The following PRRC2C variants were observed in gnomAD, a reference collection of about 807,000 sequenced individuals.
PRRC2C encodes proline rich coiled-coil 2C, also known as protein PRRC2C.
A neutral mutation model predicts 317.2 loss-of-function variants in PRRC2C; 72 were observed. The observed-to-expected ratio is 0.23, with a 90% CI of 0.19 to 0.28. The LOEUF (loss-of-function observed/expected upper bound fraction) is 0.28, where lower values mean the gene tolerates loss of function less well. PRRC2C is among the 10% of genes least tolerant of loss of function. PRRC2C has a pLI of 1.00. For synonymous variants in PRRC2C, 1,296 were observed against 1,205.9 expected, an observed-to-expected ratio of 1.07 and a Z score of -1.55; for missense variants, 3,074 against 3,459.7, an observed-to-expected ratio of 0.89 and a Z score of 2.80.
chr1:171,515,942 A>C, intron 5 of PRRC2C, 83 bp downstream of exon 5: 1 of 1,413,584 alleles, frequency 7.1e-7, no homozygotes, highest in African/African-American at 1.4e-5. Flanking sequence ...GCTGTTGCAT[A>C]TATTATTTGC....
intron 21 of PRRC2C, 49 bp downstream of exon 21, chr1:171,566,470 TGAA>T (rs1397678008): frequency 6.6e-7 from 1 of 1,505,416 alleles, no homozygotes; most frequent in Non-Finnish European, 8.9e-7. Flanking sequence ...GCCACTGACA[TGAA>T]GAGCAAATAA....
At chr1:171,584,639 A>G (rs235495) in intron 30 of PRRC2C, 113 bp downstream of exon 30, 213,346 of 1,281,830 alleles carry the variant, frequency 0.17, 18,560 homozygotes, top group Middle Eastern at 0.28. Flanking sequence ...GATGGTTTTT[A>G]AACTGTTCAC....
chr1:171,529,239 T>C (rs543475980), intron 11 of PRRC2C, among the ~76,000 whole-genome samples: 2 of 152,306 alleles, frequency 1.3e-5, no homozygotes, highest in South Asian at 4.1e-4. Flanking sequence ...TGTATCCTTT[T>C]CCTTGGGTAT....
chr1:171,560,937 A>T (rs751144888), intron 19 of PRRC2C, 81 bp from the exon 20 acceptor site: 3 of 1,063,040 alleles, frequency 2.8e-6, no homozygotes, highest in African/African-American at 1.6e-5. Flanking sequence ...ACACAGTAGG[A>T]GATTAAGGAA....
chr1:171,584,481 G>A lies in PRRC2C; in HGVS notation c.7704G>A (p.Gln2568=). 6.3e-7 allele frequency: 1 copy of A among 1,595,862 alleles called. No individual in the cohort carries two copies. The highest frequency in any genetic ancestry group is 1.1e-5 in the South Asian group (1 of 87,846). ...LYSGQVQQPG[Q]TNFYNTAQSP... ...CTGGACAAGTACAACAGCCTGGTCA[G>A]ACAAATTTTTATAACACTGCCCAGT... Residue 2568 remains glutamine, a synonymous_variant, in exon 30 of 35, where the codon CAG becomes CAA. Transcript: ENST00000647382.
intron 16 of PRRC2C, among the ~76,000 whole-genome samples, chr1:171,543,945 C>T (rs536663629): frequency 6.6e-6 from 1 of 152,182 alleles, no homozygotes; most frequent in East Asian, 1.9e-4. Context: ...ATAACAGACC[C>T]GTTCATGGTA....
Position 171,515,817 on chromosome 1 carries a change from A to G in PRRC2C, c.484A>G (p.Asn162Asp). 1 of 1,612,660 alleles carries G rather than the reference A, an allele frequency of 6.2e-7. No individual in the cohort carries two copies. Among genetic ancestry groups the G allele is most frequent in the African/African-American group, 1.3e-5 (1 of 75,006 alleles). The change falls in exon 5 of 35, where the codon AAT (asparagine) becomes GAT (aspartate). Residue 162 changes from asparagine (N) to aspartate (D), a missense_variant. This residue lies in a region of PRRC2C where 237 missense variants were observed against 199.5 expected (regional missense o/e 1.19). Transcript: ENST00000647382. ...GDQEKKEKET[N>D]DDNYGPGPSL... Reference sequence around the variant, plus strand: ...TCAGGAAAAAAAAGAAAAGGAAACAAATGATGACAACTATGGACCTGGACC... The same window carrying G: ...TCAGGAAAAAAAAGAAAAGGAAACAGATGATGACAACTATGGACCTGGACC...
intron 1 of PRRC2C, among the ~76,000 whole-genome samples, chr1:171,508,381 G>C (rs1356983125): frequency 6.6e-6 from 1 of 152,154 alleles, no homozygotes; most frequent in Non-Finnish European, 1.5e-5. Context: ...GTGGTTTTCT[G>C]CATTTATTGA....
chr1:171,515,985 C>T, intron 5 of PRRC2C, 126 bp downstream of exon 5: 1 of 998,458 alleles, frequency 1.0e-6, no homozygotes. Flanking sequence ...GTACTATAGT[C>T]ACTTGCTACT....
Position 171,514,458 on chromosome 1 carries a change from C to T in PRRC2C, c.291-78C>T, listed in dbSNP as rs2102270071. On this transcript the variant is annotated intron_variant, in intron 3 of 34. Transcript: ENST00000647382. ...ACATATAGCCAAAATAATTTGTACACAGGTTTACCTTAAATATAATATTGA... is the reference window on the plus strand; with the variant it reads ...ACATATAGCCAAAATAATTTGTACATAGGTTTACCTTAAATATAATATTGA... 3.5e-6 allele frequency: 4 copies of T among 1,134,144 alleles called. No homozygotes were observed. In the South Asian group the frequency reaches 4.7e-5, roughly 13 times the overall value. 70.3% of individuals were successfully genotyped at this position (1,134,144 alleles called of 1,614,324 possible).
chr1:171,516,249 C>A (rs890650362), intron 5 of PRRC2C, among the ~76,000 whole-genome samples: 3 of 151,964 alleles, frequency 2.0e-5, no homozygotes, highest in African/African-American at 7.3e-5. Flanking sequence ...ACTGAGGAAA[C>A]AAATAATTTT....
At chr1:171,584,216 C>G (rs764185385) in intron 29 of PRRC2C, 29 bp downstream of exon 29, 1 of 1,532,754 alleles carries the variant, frequency 6.5e-7, no homozygotes, top group South Asian at 1.1e-5. Context: ...GCAATGCACC[C>G]TCATTGTATT....
At chr1:171,546,104 G>A (rs1679079275) in intron 17 of PRRC2C, among the ~76,000 whole-genome samples, 1 of 152,136 alleles carries the variant, frequency 6.6e-6, no homozygotes, top group African/African-American at 2.4e-5. Context: ...TAAAATTGGT[G>A]TCTAAGATGT....
chr1:171,554,626 T>TAG (rs751137841), intron 18 of PRRC2C, among the ~76,000 whole-genome samples: 18 of 152,366 alleles, frequency 1.2e-4, no homozygotes, highest in Non-Finnish European at 2.4e-4. Context: ...TTTCCATGTT[T>TAG]AGTGTCAGGA....
intron 1 of PRRC2C, among the ~76,000 whole-genome samples, chr1:171,488,425 C>T (rs1318036132): frequency 1.3e-5 from 2 of 152,232 alleles, no homozygotes; most frequent in Non-Finnish European, 2.9e-5. Context: ...TTAAATTCCT[C>T]GCTAATCTCA....
At chr1:171,557,203 C>T in intron 18 of PRRC2C, 37 bp from the exon 19 acceptor site, 1 of 1,509,256 alleles carries the variant, frequency 6.6e-7, no homozygotes, top group Admixed American at 2.3e-5. Context: ...CATTCAGCTG[C>T]ATTATTGACA....
rs747197200 is a variant in PRRC2C, at chr1:171,540,121, A to T, written c.2655A>T (p.Arg885Ser). 8.7e-6 allele frequency: 14 copies of T among 1,613,860 alleles called. No homozygotes were observed. The South Asian group carries it at 1.5e-4, about 18-fold the overall frequency. ...TAAGCAGATCTGTGGAAGATGTTAG[A>T]CCTCACCATACTGATGCAAATAATC... is the stretch of plus-strand genomic sequence containing the variant. ...KFLSRSVEDV[R>S]PHHTDANNQS... The change falls in exon 16 of 35, where the codon AGA becomes AGT. Residue 885 changes from arginine (R) to serine (S), a missense_variant. Around this residue, in one of 11 missense-constraint regions of PRRC2C, gnomAD observed 1,320 missense variants for 1,395.7 expected, o/e 0.95. Transcript: ENST00000647382.
At chr1:171,504,022 G>C (rs768987305) in intron 1 of PRRC2C, among the ~76,000 whole-genome samples, 1 of 152,122 alleles carries the variant, frequency 6.6e-6, no homozygotes, top group South Asian at 2.1e-4. Context: ...GGAATTGAGG[G>C]AGGTACAATT....
chr1:171,586,400 A>G lies in PRRC2C; in HGVS notation c.7750-603A>G, dbSNP rs771561467. Among the ~76,000 whole-genome samples, 5 of 150,834 alleles carry G rather than the reference A, an allele frequency of 3.3e-5. No individual in the cohort carries two copies. In the East Asian group the frequency reaches 6.0e-4, roughly 18 times the overall value. On this transcript the variant is annotated intron_variant, in intron 30 of 34. Coordinates refer to ENST00000647382, the MANE Select transcript of PRRC2C (RefSeq NM_001387844.1). ...GCCACCGTGCCTGGACTTGGTGTCA[A>G]ATTCTCTACTTGTGGTGTCATATCA...
Sources: gnomAD v4.1 joint callset for allele counts (sites outside exome capture counted in the v4.1 genomes callset) on GRCh38, gnomAD v4.1.1 for gene constraint, gnomAD v4.1.1 regional missense constraint, MANE v1.5 for transcripts, NCBI Gene and HGNC (gene_info 2026-07-23, HGNC 2026-07-21) for gene names.